The following TCEA3 variants were observed in gnomAD, a reference collection of about 807,000 sequenced individuals.
TCEA3 encodes transcription elongation factor A3.
TCEA3 carries 36 observed loss-of-function variants against 44.0 expected under a neutral mutation model. The ratio of observed to expected loss-of-function variants is 0.82; its 90% CI spans 0.63 to 1.08. TCEA3 has a LOEUF of 1.08. Ranked by LOEUF, TCEA3 falls within the 50% of genes least tolerant of loss-of-function variation. TCEA3 has a pLI of 0.00. For missense variants in TCEA3, 392 were observed against 441.2 expected, an observed-to-expected ratio of 0.89 and a Z score of 1.00; for synonymous variants, 162 against 159.7, an observed-to-expected ratio of 1.01 and a Z score of -0.11.
chr1:23,404,251 C>A lies in TCEA3; in HGVS notation c.443+4413G>T. The A allele has an allele frequency of 4.3e-6, 3 of 694,530 alleles. No homozygotes were observed. In the South Asian group the frequency reaches 4.5e-5, roughly 10 times the overall value. 43.0% of individuals were successfully genotyped at this position (694,530 alleles called of 1,614,324 possible). On this transcript the variant is annotated intron_variant, in intron 5 of 10. Transcript: ENST00000450454. ...CTGTCAACATGGTATCCTCCGTGGT[C>A]TGCTTCCTGGTACTCCAGCTACAGT...
chr1:23,401,763 T>C (rs1368007992), intron 5 of TCEA3, among the ~76,000 whole-genome samples: 1 of 152,072 alleles, frequency 6.6e-6, no homozygotes, highest in African/African-American at 2.4e-5. Flanking sequence ...ACACAGGGGT[T>C]CCCACCCCCT....
rs548435104 is a variant in TCEA3 at position 23,424,702 on chromosome 1, C to A, written c.-69G>T. 13 of 1,312,084 alleles carry A rather than the reference C, an allele frequency of 9.9e-6. No homozygotes were observed. In the South Asian group the frequency reaches 1.4e-4, roughly 14 times the overall value. 81.3% of individuals were successfully genotyped at this position (1,312,084 alleles called of 1,614,324 possible). A position where few individuals can be genotyped will look rare whatever the true frequency, so the allele number is the denominator to read the frequency against. The stretch of plus-strand genomic sequence containing the variant: ...AGTAGGGCCTCGGGGGCAGGAGGCG[C>A]GAAGGCGGAGGGCGCGCAACCCGCG... On this transcript the variant is annotated 5_prime_UTR_variant, in exon 1 of 11. Transcript: ENST00000450454.
chr1:23,394,901 C>T (rs1047289771), intron 7 of TCEA3, among the ~76,000 whole-genome samples: 4 of 152,240 alleles, frequency 2.6e-5, no homozygotes, highest in African/African-American at 9.6e-5. Flanking sequence ...CCAAACACTG[C>T]ATCCTAGGCA....
intron 9 of TCEA3, 116 bp from the exon 10 acceptor site, chr1:23,384,533 C>G (rs888510377): frequency 9.7e-7 from 1 of 1,035,822 alleles, no homozygotes; most frequent in Admixed American, 2.3e-5. Flanking sequence ...GATTCCCACC[C>G]CCCGCTGGCA....
Position 23,410,482 on chromosome 1 carries a change from G to A in TCEA3, c.381-1756C>T, listed in dbSNP as rs115516005. ...AGTCGATACTAGAGCTAGAGCATCA[G>A]GAAAAGTCTAAAGATTAGACCGTAA... On this transcript the variant is annotated intron_variant, in intron 4 of 10. Transcript: ENST00000450454. Among the ~76,000 whole-genome samples the A allele has an allele frequency of 2.9e-3, 436 of 152,200 alleles. 2 individuals carry two copies. The highest frequency in any genetic ancestry group is 9.7e-3 in the African/African-American group (405 of 41,550).
At chr1:23,419,835 C>T (rs539385902) in intron 1 of TCEA3, among the ~76,000 whole-genome samples, 54 of 152,224 alleles carry the variant, frequency 3.5e-4, no homozygotes, top group African/African-American at 1.3e-3. Flanking sequence ...GACTCCAACT[C>T]GAACAAAACA....
At position 23,417,408 on chromosome 1, in the gene TCEA3, G is replaced by C. The variant is rs1436981489; in HGVS notation, c.239-18C>G. On this transcript the variant is annotated intron_variant, in intron 3 of 10. Coordinates refer to ENST00000450454, the MANE Select transcript of TCEA3 (RefSeq NM_003196.3). Reference sequence around the variant, plus strand: ...AGGGGAGTCTGAAAACAAAAGGGTGGCATTGTCCCTCAGCTAAGCTCTGTC... The same window carrying C: ...AGGGGAGTCTGAAAACAAAAGGGTGCCATTGTCCCTCAGCTAAGCTCTGTC... 9.3e-6 allele frequency: 15 copies of C among 1,610,614 alleles called. No individual in the cohort carries two copies. The highest frequency in any genetic ancestry group is 1.2e-5 in the Non-Finnish European group (14 of 1,178,910).
intron 7 of TCEA3, 106 bp downstream of exon 7, chr1:23,397,439 C>G: frequency 3.0e-6 from 3 of 1,004,604 alleles, no homozygotes; most frequent in Non-Finnish European, 4.5e-6. Flanking sequence ...AGGGGCTGTT[C>G]CCGGAGCCCT....
chr1:23,406,434 G>A (rs1037239613), intron 5 of TCEA3, among the ~76,000 whole-genome samples: 2 of 151,962 alleles, frequency 1.3e-5, no homozygotes, highest in Non-Finnish European at 2.9e-5. Context: ...GACCCTAATC[G>A]TTCTCCTTGA....
intron 2 of TCEA3, among the ~76,000 whole-genome samples, chr1:23,418,587 C>G (rs1460386477): frequency 1.3e-5 from 2 of 152,172 alleles, no homozygotes; most frequent in Admixed American, 1.3e-4. Flanking sequence ...GATGGGATTA[C>G]AGGTATGAGC....
At chr1:23,408,075 C>T (rs1192974240) in intron 5 of TCEA3, among the ~76,000 whole-genome samples, 1 of 152,148 alleles carries the variant, frequency 6.6e-6, no homozygotes, top group African/African-American at 2.4e-5. Context: ...GATTCTCCTG[C>T]CTCAGCCTCC....
At chr1:23,415,984 A>G (rs1205488248) in intron 4 of TCEA3, among the ~76,000 whole-genome samples, 1 of 145,610 alleles carries the variant, frequency 6.9e-6, no homozygotes, top group Non-Finnish European at 1.5e-5. Flanking sequence ...TTTTTTTTCT[A>G]CTTTTCTACA....
intron 5 of TCEA3, among the ~76,000 whole-genome samples, chr1:23,406,842 G>A (rs1639558457): frequency 2.6e-5 from 4 of 152,120 alleles, no homozygotes; most frequent in South Asian, 2.1e-4. Context: ...GGCTGGTCTC[G>A]AACTCCTGGC....
intron 8 of TCEA3, among the ~76,000 whole-genome samples, chr1:23,393,630 C>G (rs1443563418): frequency 6.6e-6 from 1 of 152,216 alleles, no homozygotes; most frequent in Non-Finnish European, 1.5e-5. Flanking sequence ...GGATAATACA[C>G]CTTTCTATCT....
chr1:23,382,453 T>G (rs1278960746), intron 10 of TCEA3, among the ~76,000 whole-genome samples: 4 of 152,180 alleles, frequency 2.6e-5, no homozygotes, highest in Admixed American at 6.5e-5. Flanking sequence ...AGTGGTTTTA[T>G]GTACCAGGCA....
intron 10 of TCEA3, 146 bp downstream of exon 10, chr1:23,384,200 A>G: frequency 6.6e-7 from 1 of 1,504,814 alleles, no homozygotes; most frequent in Non-Finnish European, 8.9e-7. Context: ...GCAATCCGCC[A>G]CTATCTCTGG....
In TCEA3 at chr1:23,387,368, C is replaced by T; in HGVS notation, c.871G>A (p.Ala291Thr). 1 of 1,612,418 alleles carries T rather than the reference C, an allele frequency of 6.2e-7. No individual in the cohort carries two copies. The highest frequency in any genetic ancestry group is 8.5e-7 in the Non-Finnish European group (1 of 1,179,288). Reference sequence around the variant, plus strand: ...TTGGCCATCTGGTGCTCACGGATGGCCTCCTGGGTCATGGCATTCCTCAAC... The same window carrying T: ...TTGGCCATCTGGTGCTCACGGATGGTCTCCTGGGTCATGGCATTCCTCAAC... ...RELRNAMTQE[A>T]IREHQMAKTG... The change falls in exon 9 of 11, where the codon GCC becomes ACC. Residue 291 changes from alanine (A) to threonine (T), a missense_variant. Transcript: ENST00000450454.
rs1638875267 is a variant in TCEA3 at position 23,387,298 on chromosome 1, T to C, written c.941A>G (p.Lys314Arg). The C allele has an allele frequency of 6.2e-7, 1 of 1,613,974 alleles. No homozygotes were observed. The highest frequency in any genetic ancestry group is 8.5e-7 in the Non-Finnish European group (1 of 1,179,878). ...TTDLFQCSKC[K>R]KKNCTYNQVQ... is the part of the protein sequence containing the mutation. ...CTGGTTATAGGTGCAGTTCTTCTTCTTGCATTTGCTGCACTGGAAGAGGTC... is the reference window on the plus strand; with the variant it reads ...CTGGTTATAGGTGCAGTTCTTCTTCCTGCATTTGCTGCACTGGAAGAGGTC... Residue 314 changes from lysine to arginine, a missense_variant, in exon 9 of 11, where the codon AAG becomes AGG. Physicochemically the swap from Lys to Arg is conservative, Grantham distance 26 (BLOSUM62 2). Transcript: ENST00000450454.
chr1:23,407,125 T>C (rs1639566531), intron 5 of TCEA3, among the ~76,000 whole-genome samples: 1 of 152,204 alleles, frequency 6.6e-6, no homozygotes, highest in South Asian at 2.1e-4. Context: ...GGCAACTCCA[T>C]CCTTGCAGAT....
Sources: allele counts gnomAD v4.1 joint callset (sites outside exome capture counted in the v4.1 genomes callset), GRCh38; gene constraint gnomAD v4.1.1; transcripts MANE v1.5; gene names NCBI Gene and HGNC (gene_info 2026-07-23, HGNC 2026-07-21).